The following MSRA variants were observed in gnomAD, a reference collection of about 807,000 sequenced individuals.
The protein encoded by MSRA is methionine sulfoxide reductase A, also known as mitochondrial peptide methionine sulfoxide reductase.
A neutral mutation model predicts 31.3 loss-of-function variants in MSRA; 54 were observed. The observed-to-expected ratio is 1.73, with a 90% confidence interval of 1.39 to 2.17. The LOEUF (loss-of-function observed/expected upper bound fraction) is 2.17. MSRA is among the 30% of genes most tolerant of loss of function. MSRA has a pLI of 0.00. For synonymous variants in MSRA, 169 were observed against 116.5 expected (o/e 1.45, Z -2.90); for missense variants, 507 against 300.9 (o/e 1.69, Z -5.07).
intron 1 of MSRA, among the ~76,000 whole-genome samples, chr8:10,160,271 G>A (rs1337930649): frequency 6.6e-6 from 1 of 152,124 alleles, no homozygotes; most frequent in African/African-American, 2.4e-5. Context: ...GAGGTGGGCA[G>A]ATCACGAGGT....
intron 1 of MSRA, among the ~76,000 whole-genome samples, chr8:10,093,350 T>C (rs535090234): frequency 6.6e-6 from 1 of 152,290 alleles, no homozygotes; most frequent in East Asian, 1.9e-4. Context: ...TTTTGAGTTA[T>C]TTGCTTAGTG....
At chr8:10,340,395 CAA>C (rs1392313466) in intron 5 of MSRA, among the ~76,000 whole-genome samples, 4 of 152,204 alleles carry the variant, frequency 2.6e-5, no homozygotes, top group African/African-American at 9.7e-5. Flanking sequence ...CTATCTGAGA[CAA>C]AGTTTTCCTC....
At chr8:10,138,903 T>C (rs1802485696) in intron 1 of MSRA, among the ~76,000 whole-genome samples, 1 of 152,334 alleles carries the variant, frequency 6.6e-6, no homozygotes, top group South Asian at 2.1e-4. Context: ...CAGAGCTAGC[T>C]ACCAGAAACA....
chr8:10,366,725 T>C (rs1805189530), intron 5 of MSRA, among the ~76,000 whole-genome samples: 1 of 152,196 alleles, frequency 6.6e-6, no homozygotes, highest in Non-Finnish European at 1.5e-5. Flanking sequence ...GCTAGACTCC[T>C]CGTGGTCGGC....
intron 1 of MSRA, among the ~76,000 whole-genome samples, chr8:10,134,233 C>A (rs898538220): frequency 6.6e-6 from 1 of 152,320 alleles, no homozygotes; most frequent in South Asian, 2.1e-4. Context: ...TCTATTGTTT[C>A]ACTGGAAGTG....
At chr8:10,294,287 C>G (rs1472912856) in intron 3 of MSRA, among the ~76,000 whole-genome samples, 2 of 152,148 alleles carry the variant, frequency 1.3e-5, no homozygotes, top group East Asian at 1.9e-4. Context: ...ACATTGGGAA[C>G]CAAGTCACAG....
At chr8:10,122,021 C>T (rs1465087563) in intron 1 of MSRA, among the ~76,000 whole-genome samples, 1 of 151,976 alleles carries the variant, frequency 6.6e-6, no homozygotes, top group East Asian at 1.9e-4. Flanking sequence ...TGCCTTTGGC[C>T]ACACGCATGC....
chr8:10,295,515 A>T (rs903011087), intron 3 of MSRA, among the ~76,000 whole-genome samples: 1 of 152,128 alleles, frequency 6.6e-6, no homozygotes, highest in African/African-American at 2.4e-5. Flanking sequence ...CTGGGACCCC[A>T]CGCAGGCCGA....
intron 3 of MSRA, among the ~76,000 whole-genome samples, chr8:10,299,957 T>A (rs1173165567): frequency 6.6e-6 from 1 of 152,258 alleles, no homozygotes; most frequent in African/African-American, 2.4e-5. Context: ...TCAGTCTAAT[T>A]GCCCAATGAC....
At chr8:10,225,788 T>C (rs1175345246) in intron 2 of MSRA, among the ~76,000 whole-genome samples, 1 of 152,114 alleles carries the variant, frequency 6.6e-6, no homozygotes, top group Admixed American at 6.6e-5. Flanking sequence ...GGATGCAGGG[T>C]GCAGGTGCTA....
At chr8:10,091,253 A>G (rs1315218615) in intron 1 of MSRA, among the ~76,000 whole-genome samples, 1 of 152,168 alleles carries the variant, frequency 6.6e-6, no homozygotes, top group African/African-American at 2.4e-5. Context: ...ATTTTTACTT[A>G]TGTTCATTAT....
intron 3 of MSRA, among the ~76,000 whole-genome samples, chr8:10,272,140 A>T (rs536339925): frequency 1.9e-4 from 29 of 152,286 alleles, no homozygotes; most frequent in Middle Eastern, 3.4e-3. Flanking sequence ...ATCTGGAGTT[A>T]TTCCCTTCAC....
chr8:10,181,413 C>G (rs1275566005), intron 1 of MSRA, among the ~76,000 whole-genome samples: 2 of 150,230 alleles, frequency 1.3e-5, no homozygotes, highest in Non-Finnish European at 1.5e-5. Context: ...CACACGTACC[C>G]TAAAACTTAA....
chr8:10,206,461 G>A (rs1217879285), intron 1 of MSRA, among the ~76,000 whole-genome samples: 2 of 152,194 alleles, frequency 1.3e-5, no homozygotes, highest in Admixed American at 6.5e-5. Context: ...AGCCCCAGAA[G>A]GGAACTGATG....
At chr8:10,148,641 C>G (rs1283573148) in intron 1 of MSRA, among the ~76,000 whole-genome samples, 1 of 148,144 alleles carries the variant, frequency 6.8e-6, no homozygotes, top group East Asian at 2.0e-4. Context: ...AGTGAGACTT[C>G]ATCTTAAAAA....
intron 5 of MSRA, among the ~76,000 whole-genome samples, chr8:10,356,633 G>A (rs1247279063): frequency 6.6e-6 from 1 of 152,180 alleles, no homozygotes; most frequent in Non-Finnish European, 1.5e-5. Context: ...TGAGAGTGGA[G>A]CCCTGATAAA....
intron 5 of MSRA, among the ~76,000 whole-genome samples, chr8:10,364,011 T>G (rs1262937058): frequency 6.6e-6 from 1 of 152,156 alleles, no homozygotes; most frequent in Non-Finnish European, 1.5e-5. Context: ...CAGAGAGAAC[T>G]GTTTCCTTTC....
At chr8:10,275,502 T>C (rs763080956) in intron 3 of MSRA, among the ~76,000 whole-genome samples, 4 of 152,250 alleles carry the variant, frequency 2.6e-5, no homozygotes, top group Non-Finnish European at 5.9e-5. Flanking sequence ...GCATTTCCTC[T>C]GTACAGCCTC....
At chr8:10,255,984 C>T (rs1798156662) in intron 3 of MSRA, among the ~76,000 whole-genome samples, 1 of 152,132 alleles carries the variant, frequency 6.6e-6, no homozygotes, top group Non-Finnish European at 1.5e-5. Flanking sequence ...CCAGGAACCA[C>T]ACTGACACGT....
Sources: allele counts gnomAD v4.1 joint callset (sites outside exome capture counted in the v4.1 genomes callset), GRCh38; gene constraint gnomAD v4.1.1; transcripts MANE v1.5; gene names NCBI Gene and HGNC (gene_info 2026-07-23, HGNC 2026-07-21).